The following SPAG16 variants were observed in gnomAD, a reference collection of about 807,000 sequenced individuals.
The protein encoded by SPAG16 is sperm associated antigen 16.
In SPAG16, 86 loss-of-function variants were observed where a neutral mutation model predicts 80.4. The observed-to-expected ratio is 1.07, with a 90% CI of 0.90 to 1.28. SPAG16 has a LOEUF of 1.28. SPAG16 is among the 50% of genes most tolerant of loss of function. The pLI, the probability that SPAG16 is intolerant of heterozygous loss-of-function variation, is 0.00. For missense variants in SPAG16, 870 were observed against 765.3 expected (o/e 1.14, Z -1.61); for synonymous variants, 294 against 265.9 (o/e 1.11, Z -1.03).
At chr2:213,732,885 A>G (rs2067114851) in intron 10 of SPAG16, among the ~76,000 whole-genome samples, 1 of 152,180 alleles carries the variant, frequency 6.6e-6, no homozygotes, top group Admixed American at 6.5e-5. Flanking sequence ...TTTTGTGTGT[A>G]TATACCCAGT....
intron 10 of SPAG16, among the ~76,000 whole-genome samples, chr2:213,516,508 C>T (rs192167025): frequency 6.6e-5 from 10 of 152,240 alleles, no homozygotes; most frequent in African/African-American, 1.7e-4. Flanking sequence ...TTAAAGGTTG[C>T]GCTATATACC....
chr2:213,939,286 G>T (rs977829697), intron 12 of SPAG16, among the ~76,000 whole-genome samples: 2 of 152,192 alleles, frequency 1.3e-5, no homozygotes, highest in African/African-American at 4.8e-5. Context: ...GAATGGAATG[G>T]TCCAGACCCT....
chr2:213,561,818 T>A (rs1212635252), intron 10 of SPAG16, among the ~76,000 whole-genome samples: 1 of 152,208 alleles, frequency 6.6e-6, no homozygotes, highest in Non-Finnish European at 1.5e-5. Context: ...CCAGCTCTGT[T>A]ATCACATTAT....
intron 10 of SPAG16, among the ~76,000 whole-genome samples, chr2:213,775,209 C>A (rs1006465647): frequency 2.0e-5 from 3 of 152,104 alleles, no homozygotes; most frequent in Non-Finnish European, 4.4e-5. Flanking sequence ...TTCTTTGCAT[C>A]CTCAGTTCTT....
chr2:214,098,789 G>A (rs1464496396), intron 13 of SPAG16, among the ~76,000 whole-genome samples: 1 of 152,094 alleles, frequency 6.6e-6, no homozygotes, highest in Non-Finnish European at 1.5e-5. Context: ...TACCCATTGA[G>A]CAAATCCAAT....
At chr2:214,247,598 T>C (rs894193152) in intron 15 of SPAG16, among the ~76,000 whole-genome samples, 14 of 152,188 alleles carry the variant, frequency 9.2e-5, no homozygotes, top group African/African-American at 3.1e-4. Flanking sequence ...TAAAAGTTTA[T>C]AGTTTGAGAT....
chr2:213,493,479 C>A (rs1057073088), intron 10 of SPAG16, among the ~76,000 whole-genome samples: 1 of 152,166 alleles, frequency 6.6e-6, no homozygotes. Context: ...AGTTTTTGAG[C>A]TCTGATTTAG....
intron 9 of SPAG16, among the ~76,000 whole-genome samples, chr2:213,421,655 C>T (rs570002755): frequency 5.3e-5 from 8 of 152,322 alleles, no homozygotes; most frequent in South Asian, 2.1e-4. Flanking sequence ...CCAATCAGCA[C>T]GTATTTCCCC....
chr2:214,337,244 GAGA>G (rs1027420026), intron 15 of SPAG16, among the ~76,000 whole-genome samples: 29 of 152,238 alleles, frequency 1.9e-4, no homozygotes, highest in African/African-American at 6.7e-4. Flanking sequence ...AAGAAAAAAA[GAGA>G]AGGTTTAGGA....
chr2:214,000,829 A>C (rs891813132), intron 12 of SPAG16, among the ~76,000 whole-genome samples: 1 of 152,156 alleles, frequency 6.6e-6, no homozygotes, highest in Non-Finnish European at 1.5e-5. Context: ...GGTGGGTTAA[A>C]TAGATTTTTT....
At chr2:213,337,913 A>G (rs1218403782) in intron 5 of SPAG16, among the ~76,000 whole-genome samples, 1 of 152,098 alleles carries the variant, frequency 6.6e-6, no homozygotes, top group Non-Finnish European at 1.5e-5. Context: ...CAAAAGACAC[A>G]TAATCATCAG....
At chr2:213,524,544 C>T (rs2075809629) in intron 10 of SPAG16, among the ~76,000 whole-genome samples, 1 of 152,322 alleles carries the variant, frequency 6.6e-6, no homozygotes, top group South Asian at 2.1e-4. Context: ...TTGTACCATG[C>T]AAAGCCACAG....
intron 13 of SPAG16, among the ~76,000 whole-genome samples, chr2:214,102,020 G>A (rs761466824): frequency 7.9e-5 from 12 of 151,650 alleles, no homozygotes; most frequent in Admixed American, 2.0e-4. Context: ...GAAAGTGCAC[G>A]CATTTCATGT....
Position 214,410,225 on chromosome 2 carries a change from C to T in SPAG16, c.1806C>T (p.His602=), listed in dbSNP as rs770197890. The change falls in exon 16 of 16, where the codon CAC becomes CAT. Residue 602 remains histidine (H), a synonymous_variant. Coordinates refer to ENST00000331683, the MANE Select transcript of SPAG16 (RefSeq NM_024532.5). ...GGGAGATTCACAAATTGATGGGCCA[C>T]GAAAACGAGGCACACACGGTTGTGT... ...KSGEIHKLMG[H]ENEAHTVVFS... 6 of 1,613,474 alleles carry T rather than the reference C, an allele frequency of 3.7e-6. No individual in the cohort carries two copies. Among genetic ancestry groups the T allele is most frequent in the South Asian group, 1.1e-5 (1 of 91,064 alleles).
chr2:213,610,964 G>A (rs1170388765), intron 10 of SPAG16, among the ~76,000 whole-genome samples: 1 of 152,192 alleles, frequency 6.6e-6, no homozygotes, highest in South Asian at 2.1e-4. Flanking sequence ...ATTATCAATC[G>A]GTTTCCTTAA....
chr2:214,164,757 T>C (rs1237263736), intron 15 of SPAG16, among the ~76,000 whole-genome samples: 1 of 152,146 alleles, frequency 6.6e-6, no homozygotes, highest in Non-Finnish European at 1.5e-5. Context: ...CCAATGAATT[T>C]GTCTGCTATT....
intron 15 of SPAG16, among the ~76,000 whole-genome samples, chr2:214,346,148 G>A (rs1166194257): frequency 2.0e-5 from 3 of 152,214 alleles, no homozygotes; most frequent in Non-Finnish European, 4.4e-5. Context: ...CAAACATAGT[G>A]TATGAGAATA....
chr2:214,203,008 G>A (rs1174856119), intron 15 of SPAG16, among the ~76,000 whole-genome samples: 1 of 152,182 alleles, frequency 6.6e-6, no homozygotes, highest in Non-Finnish European at 1.5e-5. Context: ...CTCACGAGGT[G>A]AAGTCAGTGT....
chr2:213,666,413 GA>G (rs907862560), intron 10 of SPAG16, among the ~76,000 whole-genome samples: 45 of 151,996 alleles, frequency 3.0e-4, no homozygotes, highest in African/African-American at 8.2e-4. Flanking sequence ...TTGACACTGC[GA>G]AAGAAAAGAT....
Sources: gnomAD v4.1 joint callset for allele counts (sites outside exome capture counted in the v4.1 genomes callset) on GRCh38, gnomAD v4.1.1 for gene constraint, MANE v1.5 for transcripts, NCBI Gene and HGNC (gene_info 2026-07-23, HGNC 2026-07-21) for gene names.